CCDC85C: variants seen among roughly 807,000 people sequenced by gnomAD.
The protein encoded by CCDC85C is coiled-coil domain-containing protein 85C.
A neutral mutation model predicts 38.3 loss-of-function variants in CCDC85C; 18 were observed. The observed-to-expected ratio is 0.47, with a 90% CI of 0.33 to 0.70. The LOEUF (loss-of-function observed/expected upper bound fraction) is 0.70, where lower values mean the gene tolerates loss of function less well. Among genes scored for constraint, CCDC85C ranks in the 30% least tolerant of loss-of-function variants. The probability of loss-of-function intolerance (pLI) is 0.03; values close to 1 mark genes in which losing one functional copy is unlikely to be tolerated. For synonymous variants in CCDC85C, 264 were observed against 293.8 expected (o/e 0.90, Z 1.04); for missense variants, 566 against 621.2 (o/e 0.91, Z 0.94).
chr14:99,586,338 A>G (rs957803556), intron 1 of CCDC85C, among the ~76,000 whole-genome samples: 3 of 152,242 alleles, frequency 2.0e-5, no homozygotes, highest in Non-Finnish European at 4.4e-5. Context: ...CCTTTGCCAC[A>G]AATGCCCCTC....
At chr14:99,534,791 A>G (rs1301683436) in intron 2 of CCDC85C, 3 of 696,934 alleles carry the variant, frequency 4.3e-6, no homozygotes, top group Non-Finnish European at 7.9e-6. Context: ...AGCCCTGGGA[A>G]GCCAGCACGG....
chr14:99,514,837 C>T lies in CCDC85C; in HGVS notation c.*409G>A, dbSNP rs1048414038. 28 of 171,954 alleles carry T rather than the reference C, an allele frequency of 1.6e-4. No individual in the cohort carries two copies. Among genetic ancestry groups the T allele is most frequent in the Non-Finnish European group, 3.4e-4 (27 of 79,150 alleles). The allele number at this position is 171,954 out of a possible 1,614,324, so 10.7% of individuals were successfully genotyped here. A position where few individuals can be genotyped will look rare whatever the true frequency, so the allele number is the denominator to read the frequency against. ...AGACCCAGGTAGTGGTGGTCTCTGTCCAGTGTGGGTGGCAGCCGGGGAGTA... is the reference window on the plus strand; with the variant it reads ...AGACCCAGGTAGTGGTGGTCTCTGTTCAGTGTGGGTGGCAGCCGGGGAGTA... On this transcript the variant is annotated 3_prime_UTR_variant, in exon 6 of 6. Coordinates refer to ENST00000380243, the MANE Select transcript of CCDC85C (RefSeq NM_001144995.2).
intron 1 of CCDC85C, among the ~76,000 whole-genome samples, chr14:99,595,127 C>T (rs2055129474): frequency 6.6e-6 from 1 of 152,222 alleles, no homozygotes; most frequent in Non-Finnish European, 1.5e-5. Context: ...CCTGGCCTTG[C>T]TCACTGCCCC....
At position 99,521,500 on chromosome 14, in the gene CCDC85C, G is replaced by A. The variant is rs541214109; in HGVS notation, c.975+633C>T. Among the ~76,000 whole-genome samples, 17 of 152,288 alleles carry A rather than the reference G, an allele frequency of 1.1e-4. 1 individual carries two copies. Among genetic ancestry groups the A allele is most frequent in the Admixed American group, 1.1e-3 (17 of 15,310 alleles). Reference sequence around the variant, plus strand: ...AGCACCTCCATACACGGCTCTGCAGGTGCCGCAACGAGAACAGCCGATGCT... The same window carrying A: ...AGCACCTCCATACACGGCTCTGCAGATGCCGCAACGAGAACAGCCGATGCT... On this transcript the variant is annotated intron_variant, in intron 3 of 5. Transcript: ENST00000380243.
chr14:99,565,713 C>T (rs772065433), intron 1 of CCDC85C, among the ~76,000 whole-genome samples: 1 of 152,188 alleles, frequency 6.6e-6, no homozygotes, highest in Non-Finnish European at 1.5e-5. Context: ...CCCCACCCCA[C>T]CTGCCTAATA....
chr14:99,510,265 C>G lies in CCDC85C; in HGVS notation c.*4981G>C. Reference sequence around the variant, plus strand: ...ATTCCCCCTCCGGCCCACCCGGCCCCTGTGCACCAGCCACCGCCGCTGCCA... The same window carrying G: ...ATTCCCCCTCCGGCCCACCCGGCCCGTGTGCACCAGCCACCGCCGCTGCCA... On this transcript the variant is annotated 3_prime_UTR_variant, in exon 6 of 6. Transcript: ENST00000380243. The G allele has an allele frequency of 6.4e-7, 1 of 1,560,678 alleles. No homozygotes were observed. Among genetic ancestry groups the G allele is most frequent in the Non-Finnish European group, 8.6e-7 (1 of 1,156,694 alleles).
chr14:99,551,810 C>T (rs929429365), intron 1 of CCDC85C, among the ~76,000 whole-genome samples: 1 of 152,140 alleles, frequency 6.6e-6, no homozygotes, highest in African/African-American at 2.4e-5. Flanking sequence ...CAGCCAGGCT[C>T]AGCCTCCCAC....
At chr14:99,568,678 C>T (rs935959194) in intron 1 of CCDC85C, among the ~76,000 whole-genome samples, 2 of 152,146 alleles carry the variant, frequency 1.3e-5, no homozygotes, top group African/African-American at 2.4e-5. Context: ...CGCTGGGCCT[C>T]GCTCGGGGCA....
intron 3 of CCDC85C, among the ~76,000 whole-genome samples, chr14:99,519,682 CAT>C (rs1426793475): frequency 3.3e-5 from 5 of 152,314 alleles, no homozygotes; most frequent in South Asian, 2.1e-4. Context: ...ATGAAGGAAT[CAT>C]GTGTTCCACC....
intron 1 of CCDC85C, among the ~76,000 whole-genome samples, chr14:99,590,965 C>T (rs2055078996): frequency 6.6e-6 from 1 of 152,186 alleles, no homozygotes; most frequent in East Asian, 1.9e-4. Flanking sequence ...GAGTAATGGC[C>T]GGCAGCTGGA....
Position 99,576,855 on chromosome 14 carries a change from C to T in CCDC85C, c.793+26312G>A, listed in dbSNP as rs1008091951. On this transcript the variant is annotated intron_variant, in intron 1 of 5. Transcript: ENST00000380243. The surrounding 1 kb of genome is among the most constrained non-coding windows in gnomAD (Gnocchi z 4.8). Reference sequence around the variant, plus strand: ...GAGAGGGTAAGCAACATGCCCAAGACAGCACAGCGGGGCAGCACTCTCTCC... The same window carrying T: ...GAGAGGGTAAGCAACATGCCCAAGATAGCACAGCGGGGCAGCACTCTCTCC... Among the ~76,000 whole-genome samples, 1 of 152,110 alleles carries T rather than the reference C, an allele frequency of 6.6e-6. No individual in the cohort carries two copies. The highest frequency in any genetic ancestry group is 1.9e-4 in the East Asian group (1 of 5,140).
rs1388209329 is a variant in CCDC85C at position 99,520,001 on chromosome 14, C to G, written c.975+2132G>C. On this transcript the variant is annotated intron_variant, in intron 3 of 5. Transcript: ENST00000380243. The surrounding 1 kb of genome is among the most constrained non-coding windows in gnomAD (Gnocchi z 4.1). Reference sequence around the variant, plus strand: ...GACGGCACAAGTCTGAGTGTCCTCCCTTAGGAGGCTGATGGGTATAAACCA... The same window carrying G: ...GACGGCACAAGTCTGAGTGTCCTCCGTTAGGAGGCTGATGGGTATAAACCA... Among the ~76,000 whole-genome samples the G allele has an allele frequency of 6.6e-6, 1 of 152,186 alleles. No homozygotes were observed. Among genetic ancestry groups the G allele is most frequent in the Non-Finnish European group, 1.5e-5 (1 of 68,022 alleles).
At chr14:99,524,570 G>A (rs763212221) in intron 2 of CCDC85C, among the ~76,000 whole-genome samples, 51 of 152,208 alleles carry the variant, frequency 3.4e-4, no homozygotes, top group Non-Finnish European at 6.6e-4. Context: ...TTATTAGCAA[G>A]CCACAAAGCC....
In CCDC85C at chr14:99,501,504, A is replaced by G. The variant is rs904427767; in HGVS notation, c.*13742T>C. 9 of 916,768 alleles carry G rather than the reference A, an allele frequency of 9.8e-6. No homozygotes were observed. The highest frequency in any genetic ancestry group is 2.9e-4 in the Middle Eastern group (1 of 3,424). The allele number at this position is 916,768 out of a possible 1,614,324, so 56.8% of individuals were successfully genotyped here. A position where few individuals can be genotyped will look rare whatever the true frequency, so the allele number is the denominator to read the frequency against. ...TCATCTAAACCCCTCATTTTGTGTC[A>G]GAAGAAACTGACTTGCCCTGGCTTG... On this transcript the variant is annotated 3_prime_UTR_variant, in exon 6 of 6. Coordinates refer to ENST00000380243, the MANE Select transcript of CCDC85C (RefSeq NM_001144995.2).
In CCDC85C at chr14:99,512,877, C is replaced by G. The variant is rs1433145807; in HGVS notation, c.*2369G>C. 3 of 152,280 alleles carry G rather than the reference C, an allele frequency of 2.0e-5. No individual in the cohort carries two copies. In the East Asian group the frequency reaches 5.8e-4, roughly 29 times the overall value. 9.4% of individuals were successfully genotyped at this position (152,280 alleles called of 1,614,324 possible). On this transcript the variant is annotated 3_prime_UTR_variant, in exon 6 of 6. Transcript: ENST00000380243. ...CCTTCTACAGCCCACGGCTCTGCAACTGCCACCTGTACTCAGGTACATGGC... is the reference window on the plus strand; with the variant it reads ...CCTTCTACAGCCCACGGCTCTGCAAGTGCCACCTGTACTCAGGTACATGGC...
chr14:99,593,094 A>G (rs1347011158), intron 1 of CCDC85C, among the ~76,000 whole-genome samples: 1 of 152,254 alleles, frequency 6.6e-6, no homozygotes, highest in Non-Finnish European at 1.5e-5. Flanking sequence ...GGCCACTCCC[A>G]GAGCGGGCTC....
At chr14:99,585,275 T>C (rs2055014392) in intron 1 of CCDC85C, among the ~76,000 whole-genome samples, 1 of 152,122 alleles carries the variant, frequency 6.6e-6, no homozygotes, top group Non-Finnish European at 1.5e-5. Context: ...TTTCCTACAA[T>C]AAACAGGAAA....
chr14:99,515,535 C>T (rs1897209283), intron 5 of CCDC85C, among the ~76,000 whole-genome samples, 200 bp from the exon 6 acceptor site: 1 of 152,226 alleles, frequency 6.6e-6, no homozygotes, highest in Non-Finnish European at 1.5e-5. Context: ...CTGAGCAGGT[C>T]ACTGCTGGGG....
At position 99,588,376 on chromosome 14, in the gene CCDC85C, G is replaced by A. The variant is rs914259727; in HGVS notation, c.793+14791C>T. The stretch of plus-strand genomic sequence containing the variant: ...CCTTCTCCTCACCCCAGGCCCCGCC[G>A]GGTGCTCCTAAGCCTGCTGTTTCCA... On this transcript the variant is annotated intron_variant, in intron 1 of 5. Coordinates refer to ENST00000380243, the MANE Select transcript of CCDC85C (RefSeq NM_001144995.2). This position sits in a 1 kb window ranked among gnomAD's most constrained non-coding sequence, Gnocchi z 5.0. 7.9e-5 allele frequency among the ~76,000 whole-genome samples: 12 copies of A among 152,142 alleles called. No individual in the cohort carries two copies. The highest frequency in any genetic ancestry group is 1.3e-4 in the Admixed American group (2 of 15,288).
Sources: allele counts gnomAD v4.1 joint callset (sites outside exome capture counted in the v4.1 genomes callset), GRCh38; gene constraint gnomAD v4.1.1; non-coding constraint Gnocchi (gnomAD v3.1); transcripts MANE v1.5; gene names NCBI Gene and HGNC (gene_info 2026-07-23, HGNC 2026-07-21).